The following NOTCH3 variants were observed in gnomAD, a reference collection of about 807,000 sequenced individuals.
NOTCH3 encodes the protein neurogenic locus notch homolog protein 3.
NOTCH3 carries 86 observed loss-of-function variants against 213.3 expected under a neutral mutation model. The observed-to-expected ratio is 0.40, with a 90% confidence interval of 0.34 to 0.48. NOTCH3 has a LOEUF of 0.48. NOTCH3 is among the 20% of genes least tolerant of loss of function. The pLI, the probability that NOTCH3 is intolerant of heterozygous loss-of-function variation, is 0.57. For missense variants in NOTCH3, 2,783 were observed against 3,272.6 expected, an observed-to-expected ratio of 0.85 and a Z score of 3.65; for synonymous variants, 1,354 against 1,355.9, an observed-to-expected ratio of 1.00 and a Z score of 0.03.
chr19:15,182,506 CAA>C (rs71168595), intron 16 of NOTCH3, among the ~76,000 whole-genome samples: 87 of 141,490 alleles, frequency 6.1e-4, no homozygotes, highest in Non-Finnish European at 6.1e-4. Context: ...GAACTTGTCT[CAA>C]AAAAAAAAAA....
At position 15,180,807 on chromosome 19, in the gene NOTCH3, G is replaced by A. The variant is rs1555727942; in HGVS notation, c.3016C>T (p.Arg1006Cys). 1 of 1,611,980 alleles carries A rather than the reference G, an allele frequency of 6.2e-7. No individual in the cohort carries two copies. Among genetic ancestry groups the A allele is most frequent in the Non-Finnish European group, 8.5e-7 (1 of 1,179,438 alleles). Residue 1006 changes from arginine to cysteine, a missense_variant, in exon 19 of 33, where the codon CGC becomes TGC. Physicochemically the swap from Arg to Cys is radical, Grantham distance 180. This residue lies in a region of NOTCH3 where 861 missense variants were observed against 909.1 expected (regional missense o/e 0.95). Coordinates refer to ENST00000263388, the MANE Select transcript of NOTCH3 (RefSeq NM_000435.3). ...CGACCCCCGTTTTGACAAGGCTGGC[G>A]GCTGCACCAATCCACCAGCGTCTGG... ...QCQTLVDWCS[R>C]QPCQNGGRCV...
intron 29 of NOTCH3, among the ~76,000 whole-genome samples, chr19:15,166,884 G>A (rs994533585): frequency 3.3e-5 from 5 of 152,154 alleles, no homozygotes; most frequent in Non-Finnish European, 7.3e-5. Context: ...CAGCCCCCTG[G>A]TCATACTGAT....
intron 10 of NOTCH3, 82 bp from the exon 11 acceptor site, chr19:15,187,420 C>T (rs930622598): frequency 9.4e-6 from 12 of 1,282,586 alleles, no homozygotes; most frequent in African/African-American, 2.9e-5. Flanking sequence ...CCTGGTTCAG[C>T]TCTATCTGAG....
chr19:15,169,186 G>GTCTGTCTCTCTCTC (rs2046709384), intron 28 of NOTCH3, among the ~76,000 whole-genome samples: 1 of 146,656 alleles, frequency 6.8e-6, no homozygotes, highest in South Asian at 2.2e-4. Flanking sequence ...TGTCAAATCT[G>GTCTGTCTCTCTCTC]TCTCTCTCTC....
At chr19:15,178,778 G>A (rs1295675214) in intron 23 of NOTCH3, 45 bp downstream of exon 23, 2 of 1,375,920 alleles carry the variant, frequency 1.5e-6, no homozygotes, top group Non-Finnish European at 2.0e-6. Flanking sequence ...CTACTCCAGA[G>A]GCCACGCCCC....
At chr19:15,172,585 G>A (rs1188565656) in intron 25 of NOTCH3, among the ~76,000 whole-genome samples, 1 of 151,326 alleles carries the variant, frequency 6.6e-6, no homozygotes, top group Non-Finnish European at 1.5e-5. Context: ...TCAGGTCTCT[G>A]CCTTCTCCTC....
At chr19:15,163,197 G>A (rs754458097) in intron 31 of NOTCH3, among the ~76,000 whole-genome samples, 2 of 152,182 alleles carry the variant, frequency 1.3e-5, no homozygotes, top group Non-Finnish European at 2.9e-5. Flanking sequence ...GAGCCACCGT[G>A]CCCAACCTAC....
In NOTCH3 at chr19:15,159,661, G is replaced by C; in HGVS notation, c.*1001C>G. The C allele has an allele frequency of 4.3e-6, 1 of 232,586 alleles. No homozygotes were observed. Among genetic ancestry groups the C allele is most frequent in the East Asian group, 6.1e-5 (1 of 16,510 alleles). 14.4% of individuals were successfully genotyped at this position (232,586 alleles called of 1,614,324 possible). A position where few individuals can be genotyped will look rare whatever the true frequency, so the allele number is the denominator to read the frequency against. ...GTGTTAACTATTCCTTTATTAGGTG[G>C]TGAGGGGAGTGGGGGGCTGTACAAT... On this transcript the variant is annotated 3_prime_UTR_variant, in exon 33 of 33. Transcript: ENST00000263388.
intron 28 of NOTCH3, among the ~76,000 whole-genome samples, chr19:15,169,128 G>A (rs918717061): frequency 6.6e-6 from 1 of 151,730 alleles, no homozygotes; most frequent in Non-Finnish European, 1.5e-5. Flanking sequence ...TTATAAATGT[G>A]GGACCCTAAT....
intron 29 of NOTCH3, among the ~76,000 whole-genome samples, chr19:15,166,618 T>A (rs7254269): frequency 0.9 from 137,301 of 152,290 alleles, 62,218 homozygotes; most frequent in African/African-American, 0.98. Flanking sequence ...ATTTGGAGCA[T>A]AAGCAAAATG....
chr19:15,175,550 A>C (rs1439434422), intron 24 of NOTCH3, among the ~76,000 whole-genome samples: 7 of 46,436 alleles, frequency 1.5e-4, no homozygotes, highest in Middle Eastern at 0.011. Context: ...AAAAAAAAAA[A>C]AAATACATAT....
chr19:15,169,772 G>C (rs2046715375), intron 28 of NOTCH3, among the ~76,000 whole-genome samples: 1 of 152,122 alleles, frequency 6.6e-6, no homozygotes, highest in Non-Finnish European at 1.5e-5. Flanking sequence ...TCTCTGGGCT[G>C]GGGGGACACC....
intron 29 of NOTCH3, among the ~76,000 whole-genome samples, chr19:15,166,894 T>G (rs570156875): frequency 6.6e-6 from 1 of 152,312 alleles, no homozygotes; most frequent in South Asian, 2.1e-4. Context: ...GTCATACTGA[T>G]TGGCTCAAGG....
intron 2 of NOTCH3, 59 bp downstream of exon 2, chr19:15,197,441 G>GCGCCGC: frequency 2.5e-5 from 19 of 768,360 alleles, no homozygotes; most frequent in East Asian, 5.5e-5. Flanking sequence ...AAGACAAATC[G>GCGCCGC]CCCCTCCCCC....
intron 28 of NOTCH3, among the ~76,000 whole-genome samples, chr19:15,168,706 T>C (rs1184456101): frequency 6.6e-6 from 1 of 151,932 alleles, no homozygotes; most frequent in Non-Finnish European, 1.5e-5. Flanking sequence ...TGGTAGCACA[T>C]GCCTATAATC....
chr19:15,177,638 C>A lies in NOTCH3; in HGVS notation c.4290G>T (p.Ala1430=), dbSNP rs772741218. The A allele has an allele frequency of 1.3e-5, 20 of 1,572,696 alleles. No homozygotes were observed. The South Asian group carries it at 1.4e-4, about 11-fold the overall frequency. ...SVGDPWRQCE[A]LQCWRLFNNS... is the part of the protein sequence containing the mutation. ...TGTTGAAGAGGCGCCAGCACTGCAGCGCCTCGCATTGCCGCCAGGGGTCGC... is the reference window on the plus strand; with the variant it reads ...TGTTGAAGAGGCGCCAGCACTGCAGAGCCTCGCATTGCCGCCAGGGGTCGC... The change falls in exon 24 of 33, where the codon GCG becomes GCT. Residue 1430 remains alanine (A), a synonymous_variant. Transcript: ENST00000263388.
intron 2 of NOTCH3, 59 bp downstream of exon 2, chr19:15,197,441 G>GCGGGGCCCC: frequency 1.3e-6 from 1 of 768,358 alleles, no homozygotes; most frequent in Non-Finnish European, 2.3e-6. Flanking sequence ...AAGACAAATC[G>GCGGGGCCCC]CCCCTCCCCC....
Position 15,170,706 on chromosome 19 carries a change from C to T in NOTCH3, c.4856G>A (p.Arg1619His), listed in dbSNP as rs1269371114. 1 of 1,595,822 alleles carries T rather than the reference C, an allele frequency of 6.3e-7. No individual in the cohort carries two copies. Among genetic ancestry groups the T allele is most frequent in the Non-Finnish European group, 8.5e-7 (1 of 1,172,148 alleles). ...DYLGALSAVE[R>H]LDFPYPLRDV... The stretch of plus-strand genomic sequence containing the variant: ...CCGCAGTGGGTACGGGAAGTCCAGG[C>T]GCTCCACCGCTGACAACGCTCCCAG... The change falls in exon 26 of 33, where the codon CGC becomes CAC. Residue 1619 changes from arginine to histidine, a missense_variant. Arg to His is a conservative substitution (Grantham distance 29). Coordinates refer to ENST00000263388, the MANE Select transcript of NOTCH3 (RefSeq NM_000435.3).
chr19:15,163,131 C>G (rs1201196485), intron 31 of NOTCH3, among the ~76,000 whole-genome samples: 1 of 152,178 alleles, frequency 6.6e-6, no homozygotes, highest in Non-Finnish European at 1.5e-5. Context: ...TCTCAAACTC[C>G]TAAGCTCAAG....
Sources: gnomAD v4.1 joint callset for allele counts (sites outside exome capture counted in the v4.1 genomes callset) on GRCh38, gnomAD v4.1.1 for gene constraint, gnomAD v4.1.1 regional missense constraint, MANE v1.5 for transcripts, NCBI Gene and HGNC (gene_info 2026-07-23, HGNC 2026-07-21) for gene names.